GRHL2: variants seen among roughly 807,000 people sequenced by gnomAD.
GRHL2 encodes grainyhead like transcription factor 2.
In GRHL2, 21 loss-of-function variants were observed where a neutral mutation model predicts 83.8. The observed-to-expected ratio is 0.25, with a 90% CI of 0.18 to 0.36. GRHL2 has a LOEUF of 0.36. Among genes scored for constraint, GRHL2 ranks in the 10% least tolerant of loss-of-function variants. GRHL2 has a pLI of 1.00. For synonymous variants in GRHL2, 280 were observed against 278.9 expected (o/e 1.00, Z -0.04); for missense variants, 623 against 781.8 (o/e 0.80, Z 2.42).
At chr8:101,558,142 G>A (rs1458165328) in intron 3 of GRHL2, among the ~76,000 whole-genome samples, 1 of 152,204 alleles carries the variant, frequency 6.6e-6, no homozygotes, top group Non-Finnish European at 1.5e-5. Context: ...TGGGATTACA[G>A]GCATGAGGCA....
intron 14 of GRHL2, among the ~76,000 whole-genome samples, chr8:101,653,243 T>TG (rs112694139): frequency 0.021 from 3,129 of 152,200 alleles, 120 homozygotes; most frequent in African/African-American, 0.07. Context: ...AATATCATTG[T>TG]GGGGGGGCTT....
chr8:101,513,655 C>T (rs574100735), intron 1 of GRHL2, among the ~76,000 whole-genome samples: 76 of 151,804 alleles, frequency 5.0e-4, no homozygotes, highest in South Asian at 3.4e-3. Flanking sequence ...CCAACACACC[C>T]GGCTAATTTT....
At chr8:101,612,938 G>C (rs956660754) in intron 8 of GRHL2, among the ~76,000 whole-genome samples, 1 of 150,934 alleles carries the variant, frequency 6.6e-6, no homozygotes, top group African/African-American at 2.5e-5. Flanking sequence ...TTGTATGGGC[G>C]ATGAAGAGAG....
intron 4 of GRHL2, among the ~76,000 whole-genome samples, chr8:101,559,949 A>C (rs1347656953): frequency 3.9e-5 from 6 of 152,120 alleles, no homozygotes; most frequent in Non-Finnish European, 8.8e-5. Context: ...ATAGTCTCCT[A>C]TGTTGCCTTT....
intron 8 of GRHL2, among the ~76,000 whole-genome samples, chr8:101,604,937 G>C (rs1373244606): frequency 6.6e-6 from 1 of 152,208 alleles, no homozygotes; most frequent in Non-Finnish European, 1.5e-5. Flanking sequence ...GAAGCAGACT[G>C]ATTACTTTCC....
At chr8:101,608,687 A>G (rs1812680058) in intron 8 of GRHL2, among the ~76,000 whole-genome samples, 1 of 151,058 alleles carries the variant, frequency 6.6e-6, no homozygotes, top group South Asian at 2.1e-4. Flanking sequence ...ACCTAGATTG[A>G]CTCATTGTTA....
chr8:101,553,078 C>G (rs1811418008), intron 3 of GRHL2, among the ~76,000 whole-genome samples: 1 of 152,230 alleles, frequency 6.6e-6, no homozygotes, highest in Admixed American at 6.5e-5. Context: ...CTGGGATTAA[C>G]TTTTCTGATC....
chr8:101,504,211 C>G (rs1324027905), intron 1 of GRHL2, among the ~76,000 whole-genome samples: 1 of 152,184 alleles, frequency 6.6e-6, no homozygotes, highest in East Asian at 1.9e-4. Flanking sequence ...CTGCCCTTCA[C>G]GCTGGCATGC....
At chr8:101,548,652 G>A (rs1811315414) in intron 2 of GRHL2, among the ~76,000 whole-genome samples, 1 of 152,218 alleles carries the variant, frequency 6.6e-6, no homozygotes, top group Non-Finnish European at 1.5e-5. Flanking sequence ...GGATGTCCAG[G>A]TAGGGACATC....
intron 1 of GRHL2, among the ~76,000 whole-genome samples, chr8:101,526,583 C>T (rs1810809789): frequency 8.4e-6 from 1 of 119,734 alleles, no homozygotes; most frequent in Non-Finnish European, 1.6e-5. Flanking sequence ...GCAACAAATA[C>T]TGTCTGTTGT....
chr8:101,569,651 T>C (rs1811782383), intron 4 of GRHL2, among the ~76,000 whole-genome samples: 1 of 152,166 alleles, frequency 6.6e-6, no homozygotes, highest in Non-Finnish European at 1.5e-5. Context: ...ATTTTATTTT[T>C]AGTCAAGACA....
At chr8:101,630,769 A>T (rs1439867381) in intron 9 of GRHL2, among the ~76,000 whole-genome samples, 1 of 152,226 alleles carries the variant, frequency 6.6e-6, no homozygotes, top group Admixed American at 6.5e-5. Flanking sequence ...CAGCAAGAGT[A>T]GAGATAGAGC....
chr8:101,627,952 G>C (rs1813112616), intron 9 of GRHL2, among the ~76,000 whole-genome samples: 1 of 152,146 alleles, frequency 6.6e-6, no homozygotes, highest in Non-Finnish European at 1.5e-5. Flanking sequence ...AAAGTTTGAA[G>C]CTAGCAGAGA....
chr8:101,553,091 T>A (rs1811418250), intron 3 of GRHL2, among the ~76,000 whole-genome samples: 2 of 152,200 alleles, frequency 1.3e-5, no homozygotes, highest in South Asian at 4.1e-4. Flanking sequence ...TTCTGATCAA[T>A]CCTATGGCAT....
rs1814078366 is a variant in GRHL2 at position 101,666,970 on chromosome 8, G to T, written c.*267G>T. On this transcript the variant is annotated 3_prime_UTR_variant, in exon 16 of 16. Coordinates refer to ENST00000646743, the MANE Select transcript of GRHL2 (RefSeq NM_024915.4). The stretch of plus-strand genomic sequence containing the variant: ...TCCTATTTATTGCCCACCTTTTCCT[G>T]GAGCCCAGGTCCAGGCCCGCCAGGA... 1 of 554,238 alleles carries T rather than the reference G, an allele frequency of 1.8e-6. No individual in the cohort carries two copies. Among genetic ancestry groups the T allele is most frequent in the East Asian group, 3.1e-5 (1 of 31,870 alleles). The allele number at this position is 554,238 out of a possible 1,614,324, so 34.3% of individuals were successfully genotyped here. A position where few individuals can be genotyped will look rare whatever the true frequency, so the allele number is the denominator to read the frequency against.
chr8:101,511,098 CT>C (rs1362920388), intron 1 of GRHL2, among the ~76,000 whole-genome samples: 1 of 139,240 alleles, frequency 7.2e-6, no homozygotes, highest in African/African-American at 3.0e-5. Flanking sequence ...AAGACTCCGT[CT>C]CAAAAAAAAA....
At chr8:101,510,957 C>T (rs1379412750) in intron 1 of GRHL2, among the ~76,000 whole-genome samples, 1 of 152,000 alleles carries the variant, frequency 6.6e-6, no homozygotes, top group African/African-American at 2.4e-5. Flanking sequence ...AAAAATTAGC[C>T]AGGCATGGTG....
chr8:101,543,525 C>A, intron 2 of GRHL2, 89 bp downstream of exon 2: 1 of 1,223,210 alleles, frequency 8.2e-7, no homozygotes, highest in Non-Finnish European at 1.2e-6. Context: ...TTGTCCCAGG[C>A]CAGGGAACTA....
the GRHL2 span, among the ~76,000 whole-genome samples, chr8:101,676,500 AC>A: frequency 6.6e-6 from 1 of 152,186 alleles, no homozygotes; most frequent in African/African-American, 2.4e-5. Context: ...GCACATCAAA[AC>A]CACAATGAGA....
Sources: allele counts gnomAD v4.1 joint callset (sites outside exome capture counted in the v4.1 genomes callset), GRCh38; gene constraint gnomAD v4.1.1; transcripts MANE v1.5; gene names NCBI Gene and HGNC (gene_info 2026-07-23, HGNC 2026-07-21).